The following WWOX variants were observed in gnomAD, a reference collection of about 807,000 sequenced individuals.
WWOX encodes WW domain-containing oxidoreductase.
A neutral mutation model predicts 46.2 loss-of-function variants in WWOX; 69 were observed. The observed-to-expected ratio is 1.49, with a 90% confidence interval of 1.23 to 1.82. The LOEUF (loss-of-function observed/expected upper bound fraction) is 1.82. Ranked by LOEUF, WWOX falls within the 40% of genes most tolerant of loss-of-function variation. The pLI is 0.00. For synonymous variants in WWOX, 359 were observed against 202.6 expected, an observed-to-expected ratio of 1.77 and a Z score of -6.56; for missense variants, 919 against 542.6, an observed-to-expected ratio of 1.69 and a Z score of -6.89.
At chr16:79,158,240 C>G (rs1418348225) in intron 8 of WWOX, among the ~76,000 whole-genome samples, 1 of 152,112 alleles carries the variant, frequency 6.6e-6, no homozygotes, top group Non-Finnish European at 1.5e-5. Flanking sequence ...AGGAGATGAT[C>G]AGAAACATTT....
At chr16:78,314,557 T>C (rs1315276707) in intron 5 of WWOX, among the ~76,000 whole-genome samples, 2 of 143,904 alleles carry the variant, frequency 1.4e-5, no homozygotes, top group Non-Finnish European at 1.5e-5. Flanking sequence ...GGAGTTTTGC[T>C]CTTGTCGCCC....
chr16:78,100,813 C>T (rs576855536), intron 1 of WWOX, among the ~76,000 whole-genome samples: 1 of 152,294 alleles, frequency 6.6e-6, no homozygotes, highest in East Asian at 1.9e-4. Flanking sequence ...ACGACAGTGC[C>T]TCTTATATCG....
At chr16:78,597,759 T>G (rs1414815941) in intron 8 of WWOX, among the ~76,000 whole-genome samples, 1 of 71,312 alleles carries the variant, frequency 1.4e-5, no homozygotes, top group African/African-American at 4.9e-5. Context: ...TATTTATATG[T>G]GTATATATAT....
At chr16:78,934,333 G>A (rs1180149385) in intron 8 of WWOX, among the ~76,000 whole-genome samples, 6 of 45,432 alleles carry the variant, frequency 1.3e-4, no homozygotes, top group East Asian at 1.1e-3. Context: ...GCAAGTCTCC[G>A]TCTCAAAAAA....
chr16:78,131,697 T>G (rs750303424), intron 4 of WWOX, among the ~76,000 whole-genome samples: 1 of 152,016 alleles, frequency 6.6e-6, no homozygotes, highest in Admixed American at 6.5e-5. Context: ...TTCTCCTGCC[T>G]CAGCCTCCTG....
chr16:79,086,297 T>C (rs2048852854), intron 8 of WWOX, among the ~76,000 whole-genome samples: 1 of 152,218 alleles, frequency 6.6e-6, no homozygotes, highest in East Asian at 1.9e-4. Context: ...TAGTTTCTTA[T>C]TACAAATTAT....
At chr16:78,956,552 GT>G (rs1212432664) in intron 8 of WWOX, among the ~76,000 whole-genome samples, 1 of 151,978 alleles carries the variant, frequency 6.6e-6, no homozygotes, top group Non-Finnish European at 1.5e-5. Flanking sequence ...TATTCTGTGG[GT>G]TTTCACAGAC....
chr16:78,581,987 G>A (rs926841757), intron 8 of WWOX, among the ~76,000 whole-genome samples: 16 of 152,180 alleles, frequency 1.1e-4, no homozygotes, highest in African/African-American at 3.6e-4. Context: ...TATAACTTGG[G>A]GCATCAAAAC....
At chr16:78,314,710 T>TG (rs1487274811) in intron 5 of WWOX, among the ~76,000 whole-genome samples, 1 of 104,840 alleles carries the variant, frequency 9.5e-6, no homozygotes, top group African/African-American at 3.5e-5. Flanking sequence ...TGTTTTTTTT[T>TG]TTTTTTTTTT....
chr16:78,868,557 T>G (rs147029981), intron 8 of WWOX, among the ~76,000 whole-genome samples: 2 of 152,208 alleles, frequency 1.3e-5, no homozygotes, highest in Non-Finnish European at 2.9e-5. Context: ...AAAAAATGAA[T>G]TCCAGGACCA....
chr16:78,652,722 G>A (rs2046994439), intron 8 of WWOX, among the ~76,000 whole-genome samples: 1 of 152,222 alleles, frequency 6.6e-6, no homozygotes, highest in Non-Finnish European at 1.5e-5. Flanking sequence ...GTTCTTTTCA[G>A]ATTTAGGTTC....
intron 8 of WWOX, chr16:78,898,955 C>G (rs1266376447): frequency 6.6e-6 from 1 of 152,070 alleles, no homozygotes; most frequent in Non-Finnish European, 1.5e-5. Context: ...TAGCAAACTG[C>G]TCTCATATCC....
chr16:78,867,872 G>A (rs6564613), intron 8 of WWOX, among the ~76,000 whole-genome samples: 104,936 of 151,998 alleles, frequency 0.69, 37,431 homozygotes, highest in African/African-American at 0.87. Flanking sequence ...GCTCTAACCA[G>A]AAAGATTTAT....
intron 8 of WWOX, among the ~76,000 whole-genome samples, chr16:78,520,929 A>G (rs371353355): frequency 0.011 from 1,628 of 152,280 alleles, 26 homozygotes; most frequent in Middle Eastern, 0.044. Flanking sequence ...AAAGAGCTCA[A>G]AATAGACAGT....
chr16:79,158,354 A>G (rs1360114238), intron 8 of WWOX, among the ~76,000 whole-genome samples: 1 of 152,230 alleles, frequency 6.6e-6, no homozygotes. Context: ...GTTGGACAGG[A>G]GACTGAAGGT....
chr16:78,779,328 G>C (rs74928761), intron 8 of WWOX, among the ~76,000 whole-genome samples: 1 of 152,066 alleles, frequency 6.6e-6, no homozygotes, highest in South Asian at 2.1e-4. Context: ...TTTATTTTTA[G>C]TAGAGAGGCA....
At chr16:78,184,383 CA>C (rs1217275003) in intron 5 of WWOX, among the ~76,000 whole-genome samples, 1 of 152,142 alleles carries the variant, frequency 6.6e-6, no homozygotes, top group African/African-American at 2.4e-5. Flanking sequence ...TCATTATCAT[CA>C]TGCTCACATT....
rs139370640 is a variant in WWOX, at chr16:79,080,461, A to T, written c.1057-131147A>T. 1.6e-4 allele frequency among the ~76,000 whole-genome samples: 24 copies of T among 152,264 alleles called. No homozygotes were observed. The East Asian group carries it at 4.4e-3, about 28-fold the overall frequency. ...CCAAATTCCTGGGAGATAGAATTCA[A>T]TTCTTCTCTTGCCACAAATCAGCTG... On this transcript the variant is annotated intron_variant, in intron 8 of 8. Transcript: ENST00000566780.
chr16:78,334,147 A>G (rs1176988680), intron 5 of WWOX, among the ~76,000 whole-genome samples: 2 of 152,220 alleles, frequency 1.3e-5, no homozygotes, highest in Non-Finnish European at 2.9e-5. Context: ...GGTTAGCCAT[A>G]CCTGGAAATG....
Sources: gnomAD v4.1 joint callset for allele counts (sites outside exome capture counted in the v4.1 genomes callset) on GRCh38, gnomAD v4.1.1 for gene constraint, MANE v1.5 for transcripts, NCBI Gene and HGNC (gene_info 2026-07-23, HGNC 2026-07-21) for gene names.